Variants in ELP4 observed in about 807,000 individuals in gnomAD.
ELP4 encodes elongator acetyltransferase complex subunit 4, also known as elongator complex protein 4.
Under a neutral mutation model 48.9 loss-of-function variants are expected in ELP4, and 51 were observed. The ratio of observed to expected loss-of-function variants is 1.04; its 90% CI spans 0.83 to 1.32. ELP4 has a LOEUF of 1.32. Ranked by LOEUF, ELP4 falls within the 40% of genes most tolerant of loss-of-function variation. The pLI, the probability that ELP4 is intolerant of heterozygous loss-of-function variation, is 0.00. For missense variants in ELP4, 519 were observed against 514.6 expected (o/e 1.01, Z -0.08); for synonymous variants, 210 against 189.2 (o/e 1.11, Z -0.90).
At chr11:31,696,270 T>C (rs1946403910) in intron 9 of ELP4, among the ~76,000 whole-genome samples, 1 of 152,202 alleles carries the variant, frequency 6.6e-6, no homozygotes, top group South Asian at 2.1e-4. Flanking sequence ...AGGGTGTCAA[T>C]TTTAGATTTT....
At position 31,760,921 on chromosome 11, in the gene ELP4, C is replaced by T. The variant is rs1947932169; in HGVS notation, c.1144-22472C>T. Among the ~76,000 whole-genome samples the T allele has an allele frequency of 2.0e-5, 3 of 152,154 alleles. No individual in the cohort carries two copies. In the South Asian group the frequency reaches 6.2e-4, roughly 31 times the overall value. Reference sequence around the variant, plus strand: ...TTCAAAAAGTTAGGCTTAGGATGTTCCCAATAACTATACATCCCCAAGAGT... The same window carrying T: ...TTCAAAAAGTTAGGCTTAGGATGTTTCCAATAACTATACATCCCCAAGAGT... On this transcript the variant is annotated intron_variant, in intron 9 of 9. Coordinates refer to ENST00000640961, the MANE Select transcript of ELP4 (RefSeq NM_019040.5).
intron 9 of ELP4, among the ~76,000 whole-genome samples, chr11:31,655,661 C>G (rs1236192621): frequency 6.6e-6 from 1 of 151,978 alleles, no homozygotes; most frequent in East Asian, 1.9e-4. Flanking sequence ...CAAGCTTACA[C>G]GACACAATCA....
At chr11:31,610,760 T>C (rs1476791837) in intron 5 of ELP4, among the ~76,000 whole-genome samples, 1 of 152,254 alleles carries the variant, frequency 6.6e-6, no homozygotes, top group Non-Finnish European at 1.5e-5. Flanking sequence ...TGAATCATCT[T>C]GTTCCTCATT....
intron 3 of ELP4, among the ~76,000 whole-genome samples, chr11:31,585,529 A>G (rs1232386412): frequency 1.3e-5 from 2 of 152,172 alleles, no homozygotes; most frequent in Non-Finnish European, 2.9e-5. Context: ...TCATTCGTCA[A>G]GCTTTAACTG....
At chr11:31,751,237 C>T (rs1433941952) in intron 9 of ELP4, among the ~76,000 whole-genome samples, 1 of 152,158 alleles carries the variant, frequency 6.6e-6, no homozygotes, top group Non-Finnish European at 1.5e-5. Flanking sequence ...TGGCCGTATC[C>T]AAGAACAAAG....
intron 9 of ELP4, among the ~76,000 whole-genome samples, chr11:31,742,264 G>A (rs776156790): frequency 1.3e-5 from 2 of 152,174 alleles, no homozygotes; most frequent in African/African-American, 2.4e-5. Flanking sequence ...CCAAAACTAC[G>A]TCTGATTGGT....
intron 9 of ELP4, among the ~76,000 whole-genome samples, chr11:31,688,058 C>A (rs1946200029): frequency 6.6e-6 from 1 of 152,182 alleles, no homozygotes; most frequent in Non-Finnish European, 1.5e-5. Context: ...TCTGTTAAAG[C>A]TTCCTGATGC....
At position 31,787,683 on chromosome 11, in the gene ELP4, T is replaced by C. The variant is rs1190365145; in HGVS notation, c.*4159T>C. The C allele has an allele frequency of 4.3e-6, 1 of 230,880 alleles. No homozygotes were observed. The highest frequency in any genetic ancestry group is 2.2e-5 in the African/African-American group (1 of 45,240). The allele number at this position is 230,880 out of a possible 1,614,324, so 14.3% of individuals were successfully genotyped here. On this transcript the variant is annotated 3_prime_UTR_variant, in exon 10 of 10. Transcript: ENST00000640961. ...AGTGCAGGCTGACACTGAACAAAAC[T>C]ACATGCACACATACAAAAACTGCAA...
intron 9 of ELP4, among the ~76,000 whole-genome samples, chr11:31,771,851 A>G (rs768590224): frequency 2.0e-5 from 3 of 152,042 alleles, no homozygotes; most frequent in African/African-American, 4.8e-5. Context: ...TGGTGGCGGC[A>G]GGCACCTGTA....
chr11:31,655,127 A>G (rs913466841), intron 9 of ELP4, among the ~76,000 whole-genome samples: 3 of 152,028 alleles, frequency 2.0e-5, no homozygotes, highest in Non-Finnish European at 4.4e-5. Context: ...TTACATGTGT[A>G]CATTTTGATA....
intron 9 of ELP4, among the ~76,000 whole-genome samples, chr11:31,744,152 T>A (rs1267659022): frequency 6.6e-6 from 1 of 152,130 alleles, no homozygotes; most frequent in Non-Finnish European, 1.5e-5. Flanking sequence ...AAGAAATGGA[T>A]AAATTCCTCA....
At chr11:31,753,376 T>C (rs1947767859) in intron 9 of ELP4, among the ~76,000 whole-genome samples, 1 of 152,204 alleles carries the variant, frequency 6.6e-6, no homozygotes, top group South Asian at 2.1e-4. Context: ...AACTACCTCC[T>C]CAGGGCCTTG....
At chr11:31,671,520 T>C (rs1253134878) in intron 9 of ELP4, among the ~76,000 whole-genome samples, 1 of 152,180 alleles carries the variant, frequency 6.6e-6, no homozygotes, top group African/African-American at 2.4e-5. Context: ...GATAAATAGC[T>C]TACTAAATTG....
intron 9 of ELP4, among the ~76,000 whole-genome samples, chr11:31,734,666 A>T (rs1400038869): frequency 2.0e-5 from 3 of 152,236 alleles, no homozygotes; most frequent in Non-Finnish European, 4.4e-5. Context: ...AGAAGGCAAA[A>T]GTATTGTACA....
chr11:31,532,969 C>A (rs1956423134), intron 2 of ELP4, among the ~76,000 whole-genome samples: 1 of 151,918 alleles, frequency 6.6e-6, no homozygotes, highest in South Asian at 2.1e-4. Context: ...GACAGGGTTT[C>A]ATCATGTTGG....
chr11:31,741,015 C>G (rs1009047429), intron 9 of ELP4, among the ~76,000 whole-genome samples: 3 of 152,130 alleles, frequency 2.0e-5, no homozygotes, highest in African/African-American at 7.2e-5. Context: ...ACAGACGGCA[C>G]CTGGAAAATC....
chr11:31,576,358 G>A (rs1018215949), intron 3 of ELP4, among the ~76,000 whole-genome samples: 4 of 152,174 alleles, frequency 2.6e-5, no homozygotes, highest in African/African-American at 9.6e-5. Flanking sequence ...TTTAACACCT[G>A]ACTGTCAACA....
At chr11:31,673,686 C>T (rs1303193615) in intron 9 of ELP4, among the ~76,000 whole-genome samples, 2 of 152,098 alleles carry the variant, frequency 1.3e-5, no homozygotes, top group East Asian at 3.9e-4. Context: ...AAATCATAGT[C>T]CCATTATCAG....
intron 2 of ELP4, among the ~76,000 whole-genome samples, chr11:31,533,369 T>TTTTTTTTTTTTTTTG (rs1956435749): frequency 9.4e-5 from 1 of 10,676 alleles, no homozygotes; most frequent in Non-Finnish European, 2.8e-4. Flanking sequence ...CATCTCATTC[T>TTTTTTTTTTTTTTTG]TTTTTTTTTT....
Sources: allele counts gnomAD v4.1 joint callset (sites outside exome capture counted in the v4.1 genomes callset), GRCh38; gene constraint gnomAD v4.1.1; transcripts MANE v1.5; gene names NCBI Gene and HGNC (gene_info 2026-07-23, HGNC 2026-07-21).